The following ATP8B3 variants were observed in gnomAD, a reference collection of about 807,000 sequenced individuals.
ATP8B3 encodes phospholipid-transporting ATPase IK.
ATP8B3 carries 141 observed loss-of-function variants against 140.9 expected under a neutral mutation model. The observed-to-expected ratio is 1.00, with a 90% CI of 0.87 to 1.15. The LOEUF (loss-of-function observed/expected upper bound fraction) is 1.15, where lower values mean the gene tolerates loss of function less well. Ranked by LOEUF, ATP8B3 falls within the 50% of genes most tolerant of loss-of-function variation. ATP8B3 has a pLI of 0.00. For missense variants in ATP8B3, 1,874 were observed against 1,740.6 expected (o/e 1.08, Z -1.36); for synonymous variants, 765 against 714.6 (o/e 1.07, Z -1.13).
chr19:1,797,985 G>C (rs1483144814), intron 14 of ATP8B3, among the ~76,000 whole-genome samples: 1 of 151,702 alleles, frequency 6.6e-6, no homozygotes, highest in East Asian at 2.0e-4. Flanking sequence ...TTGTGTGTGT[G>C]TGTGATGGAG....
intron 16 of ATP8B3, among the ~76,000 whole-genome samples, 155 bp from the exon 17 acceptor site, chr19:1,796,420 G>C (rs2068677267): frequency 6.6e-6 from 1 of 152,238 alleles, no homozygotes; most frequent in Non-Finnish European, 1.5e-5. Context: ...GTGAGCACTT[G>C]AGACTAGACG....
Position 1,802,615 on chromosome 19 carries a change from C to T in ATP8B3, c.935G>A (p.Arg312Gln), listed in dbSNP as rs572936091. The change falls in exon 11 of 29, where the codon CGG (arginine) becomes CAG (glutamine). Residue 312 changes from arginine to glutamine, a missense_variant. Physicochemically the swap from Arg to Gln is conservative, Grantham distance 43 (BLOSUM62 1). Coordinates refer to ENST00000310127, the MANE Select transcript of ATP8B3 (RefSeq NM_138813.4). The part of the protein sequence containing the change: ...GTVTCEAPNS[R>Q]MHHFVGCLEW... ...CAGGCACCCCACGAAGTGGTGCATC[C>T]GACTGTTAGGCGCCTCACACGTCAC... 37 of 1,611,506 alleles carry T rather than the reference C, an allele frequency of 2.3e-5. No homozygotes were observed. Among genetic ancestry groups the T allele is most frequent in the African/African-American group, 4.0e-5 (3 of 74,906 alleles).
At chr19:1,803,136 C>G (rs2068905238) in intron 10 of ATP8B3, among the ~76,000 whole-genome samples, 3 of 152,076 alleles carry the variant, frequency 2.0e-5, no homozygotes, top group Admixed American at 2.0e-4. Flanking sequence ...GGTGCCGGAG[C>G]CTGTCTACCA....
rs556062718 is a variant in ATP8B3 at position 1,791,730 on chromosome 19, C to G, written c.2302+20G>C. 4 of 1,590,516 alleles carry G rather than the reference C, an allele frequency of 2.5e-6. No homozygotes were observed. The African/African-American group carries it at 5.4e-5, about 21-fold the overall frequency. On this transcript the variant is annotated intron_variant, in intron 20 of 28. Transcript: ENST00000310127. ...CCCATGCTGCAGGGGCTTAGCCACC[C>G]GGAGCTGCCCGGGACTCACCCTGCT...
chr19:1,796,209 G>C lies in ATP8B3; in HGVS notation c.1810C>G (p.Arg604Gly), dbSNP rs376403349. 8.7e-6 allele frequency: 14 copies of C among 1,612,640 alleles called. No individual in the cohort carries two copies. In the African/African-American group the frequency reaches 1.5e-4, roughly 17 times the overall value. ...GACAGGAACACGTAGCCGAAGTTCC[G>C]GGCTGCGGTGACCAGCGCCCCCTCG... is the stretch of plus-strand genomic sequence containing the variant. ...PDEGALVTAA[R>G]NFGYVFLSRT... The change falls in exon 17 of 29, where the codon CGG becomes GGG. Residue 604 changes from arginine to glycine, a missense_variant. Physicochemically the swap from Arg to Gly is moderately radical, Grantham distance 125 (BLOSUM62 -2). Around this residue, in one of 3 missense-constraint regions of ATP8B3, gnomAD observed 1,032 missense variants for 963.6 expected, o/e 1.07. Coordinates refer to ENST00000310127, the MANE Select transcript of ATP8B3 (RefSeq NM_138813.4).
rs568267152 is a variant in ATP8B3 at position 1,789,432 on chromosome 19, A to T, written c.2774T>A (p.Leu925Gln). Residue 925 changes from leucine (L) to glutamine (Q), a missense_variant, in exon 23 of 29, where the codon CTG becomes CAG. Physicochemically the swap from Leu to Gln is moderately radical, Grantham distance 113. This residue lies in a region of ATP8B3 where 840 missense variants were observed against 760.9 expected (regional missense o/e 1.10). Transcript: ENST00000310127. ...TPKQKALIVA[L>Q]VKKYHQVVTL... The stretch of plus-strand genomic sequence containing the variant: ...CACCACCTGGTGGTACTTCTTGACC[A>T]GGGCCACGATCAGGGCCTTCTGCTT... 161 of 1,597,894 alleles carry T rather than the reference A, an allele frequency of 1.0e-4. No individual in the cohort carries two copies. In the South Asian group the frequency reaches 1.8e-3, roughly 17 times the overall value.
Position 1,807,210 on chromosome 19 carries a change from G to A in ATP8B3, c.573C>T (p.Cys191=). Residue 191 remains cysteine (C), a synonymous_variant, in exon 6 of 29, where the codon TGC becomes TGT. Transcript: ENST00000310127. The surrounding 1 kb of genome is among the most constrained non-coding windows in gnomAD (Gnocchi z 5.9). ...CCCGGGTGGCACGGATGAAGAGGAG[G>A]CAGACCATAGGGGTACTGAGCGAGA... ...PWFSLSTPMV[C]LLFIRATRDL... is the part of the protein sequence containing the mutation. 1 of 1,613,048 alleles carries A rather than the reference G, an allele frequency of 6.2e-7. No homozygotes were observed. Among genetic ancestry groups the A allele is most frequent in the South Asian group, 1.1e-5 (1 of 91,076 alleles).
rs560999713 is a variant in ATP8B3 at position 1,783,165 on chromosome 19, G to A, written c.3766C>T (p.His1256Tyr). 3 of 1,613,692 alleles carry A rather than the reference G, an allele frequency of 1.9e-6. No individual in the cohort carries two copies. In the African/African-American group the frequency reaches 4.0e-5, roughly 22 times the overall value. The change falls in exon 29 of 29, where the codon CAC becomes TAC. Residue 1256 changes from histidine to tyrosine, a missense_variant. Physicochemically the swap from His to Tyr is moderately conservative, Grantham distance 83 (BLOSUM62 2). Around this residue, in one of 3 missense-constraint regions of ATP8B3, gnomAD observed 840 missense variants for 760.9 expected, o/e 1.10. Transcript: ENST00000310127. ...ATGAGGTTTGCATATCCCTCACGGT[G>A]GGAGAAAGCATAGCTGGAACGGCGG... The part of the protein sequence containing the change: ...RARRSSYAFS[H>Y]REGYANLITQ...
At chr19:1,786,159 A>G (rs978135037) in intron 25 of ATP8B3, among the ~76,000 whole-genome samples, 1 of 151,934 alleles carries the variant, frequency 6.6e-6, no homozygotes, top group Non-Finnish European at 1.5e-5. Flanking sequence ...AAATGGAAAG[A>G]GCTCTGGAGG....
intron 2 of ATP8B3, 95 bp from the exon 3 acceptor site, chr19:1,810,778 C>G (rs556114421): frequency 1.8e-6 from 2 of 1,131,996 alleles, no homozygotes; most frequent in Admixed American, 4.9e-5. Context: ...GGGGCCGACC[C>G]TCTCAAATGC....
chr19:1,796,044 T>TG (rs754931736), intron 17 of ATP8B3, 33 bp downstream of exon 17: 8 of 1,611,710 alleles, frequency 5.0e-6, no homozygotes, highest in South Asian at 4.4e-5. Context: ...CGCCCCACCT[T>TG]GGGGGGCCCA....
Position 1,787,148 on chromosome 19 carries a change from G to C in ATP8B3, c.3108C>G (p.Leu1036=). ...YEGWFLALFN[L]LYSTLPVLYI... Reference sequence around the variant, plus strand: ...AGAGAACTGGCAGGGTGCTGTACAGGAGGTTGAAAAGAGCCAGGAACCATC... The same window carrying C: ...AGAGAACTGGCAGGGTGCTGTACAGCAGGTTGAAAAGAGCCAGGAACCATC... Residue 1036 remains leucine (L), a synonymous_variant, in exon 25 of 29, where the codon CTC becomes CTG. Transcript: ENST00000310127. 1.2e-6 allele frequency: 2 copies of C among 1,611,366 alleles called. No homozygotes were observed. Among genetic ancestry groups the C allele is most frequent in the Non-Finnish European group, 1.7e-6 (2 of 1,178,788 alleles).
At position 1,789,821 on chromosome 19, in the gene ATP8B3, C is replaced by G. The variant is rs531388932; in HGVS notation, c.2478+69G>C. On this transcript the variant is annotated intron_variant, in intron 22 of 28. Coordinates refer to ENST00000310127, the MANE Select transcript of ATP8B3 (RefSeq NM_138813.4). ...TCGGCCTCGCCAGCAGTCCCCACCC[C>G]GAGCCCGCCGCCCCTCCAGGCCCCT... The G allele has an allele frequency of 3.1e-4, 485 of 1,588,350 alleles. 3 individuals are homozygous for G. The Admixed American group carries it at 8.1e-3, about 26-fold the overall frequency.
chr19:1,812,062 G>A (rs1025651613), intron 1 of ATP8B3, 124 bp downstream of exon 1: 1 of 284,994 alleles, frequency 3.5e-6, no homozygotes, highest in Non-Finnish European at 6.5e-6. Flanking sequence ...CCCCGACCGC[G>A]CGAACCTCTA....
In ATP8B3 at chr19:1,808,235, A is replaced by G; in HGVS notation, c.503T>C (p.Ile168Thr). The change falls in exon 5 of 29, where the codon ATC (isoleucine) becomes ACC (threonine). Residue 168 changes from isoleucine to threonine, a missense_variant. Transcript: ENST00000310127. ...AACACGCCTCACCTGCAGGATGATG[A>G]TGATGAGGAAGAACAGGTTGGACAC... ...HRVSNLFFLI[I>T]IILQSIPDIS... 4 of 1,611,276 alleles carry G rather than the reference A, an allele frequency of 2.5e-6. No homozygotes were observed. Among genetic ancestry groups the G allele is most frequent in the Non-Finnish European group, 3.4e-6 (4 of 1,178,260 alleles).
intron 25 of ATP8B3, among the ~76,000 whole-genome samples, chr19:1,786,582 A>G (rs1157969986): frequency 2.1e-5 from 3 of 145,522 alleles, no homozygotes; most frequent in Non-Finnish European, 3.0e-5. Context: ...AAAAAAAAAA[A>G]GATTCTAGCA....
chr19:1,810,800 C>T (rs1402602125), intron 2 of ATP8B3, 117 bp from the exon 3 acceptor site: 7 of 900,752 alleles, frequency 7.8e-6, no homozygotes, highest in Non-Finnish European at 1.1e-5. Context: ...ACCTCCCACA[C>T]TCATCTGCAG....
In ATP8B3 at chr19:1,806,902, C is replaced by G. The variant is rs748293431; in HGVS notation, c.616-213G>C. Among the ~76,000 whole-genome samples the G allele has an allele frequency of 3.3e-5, 5 of 152,132 alleles. No individual in the cohort carries two copies. Among genetic ancestry groups the G allele is most frequent in the African/African-American group, 4.8e-5 (2 of 41,414 alleles). ...GAGAAGACAGGCGTGCTGCCCACCACCTAGAGTGCCTGCCAGACCACCCCC... is the reference window on the plus strand; with the variant it reads ...GAGAAGACAGGCGTGCTGCCCACCAGCTAGAGTGCCTGCCAGACCACCCCC... On this transcript the variant is annotated intron_variant, in intron 6 of 28. Transcript: ENST00000310127. The surrounding 1 kb of genome is among the most constrained non-coding windows in gnomAD (Gnocchi z 5.6).
intron 20 of ATP8B3, among the ~76,000 whole-genome samples, chr19:1,791,389 ATTTT>A (rs34511191): frequency 7.4e-6 from 1 of 135,336 alleles, no homozygotes; most frequent in Admixed American, 7.4e-5. Context: ...GAGTTGCAGC[ATTTT>A]TTTTTTTTTT....
Sources: allele counts gnomAD v4.1 joint callset (sites outside exome capture counted in the v4.1 genomes callset), GRCh38; gene constraint gnomAD v4.1.1; regional missense constraint gnomAD v4.1.1; non-coding constraint Gnocchi (gnomAD v3.1); transcripts MANE v1.5; gene names NCBI Gene and HGNC (gene_info 2026-07-23, HGNC 2026-07-21).